The following SHROOM2 variants were observed in gnomAD, a reference collection of about 807,000 sequenced individuals.
The protein encoded by SHROOM2 is shroom family member 2.
SHROOM2 carries 33 observed loss-of-function variants against 75.9 expected under a neutral mutation model. The observed-to-expected ratio is 0.43, with a 90% CI of 0.33 to 0.58. The LOEUF (loss-of-function observed/expected upper bound fraction) is 0.58. SHROOM2 is among the 20% of genes least tolerant of loss of function. The pLI is 0.04. For synonymous variants in SHROOM2, 655 were observed against 663.6 expected (o/e 0.99, Z 0.20); for missense variants, 1,434 against 1,461.2 (o/e 0.98, Z 0.30).
At chrX:9,929,130 A>G (rs2084623005) in intron 5 of SHROOM2, among the ~76,000 whole-genome samples, 1 of 112,817 alleles carries the variant, frequency 8.9e-6, no homozygotes, top group Non-Finnish European at 1.9e-5. Context: ...ACCAGTTAGA[A>G]ACAAAAGTTG....
chrX:9,792,095 A>AG lies in SHROOM2; in HGVS notation c.165+5386dup, dbSNP rs1487117573. ...AGAATAGAATAGAATAGAATAGAATAGAATAGAATAGAATAGAATAGAATA... is the reference window on the plus strand; with the variant it reads ...AGAATAGAATAGAATAGAATAGAATAGGAATAGAATAGAATAGAATAGAATA... On this transcript the variant is annotated intron_variant, in intron 1 of 9. Transcript: ENST00000380913. 1.3e-4 allele frequency among the ~76,000 whole-genome samples: 2 copies of AG among 15,497 alleles called. 1 individual carries two copies. The highest frequency in any genetic ancestry group is 2.7e-3 in the Admixed American group (2 of 747). The allele number at this position is 15,497 out of a possible 115,157, so 13.5% of individuals were successfully genotyped here.
At chrX:9,884,714 A>G (rs777240087) in intron 2 of SHROOM2, among the ~76,000 whole-genome samples, 1 of 108,774 alleles carries the variant, frequency 9.2e-6, no homozygotes. Context: ...ACTACCTAGC[A>G]TATAAAATTA....
chrX:9,870,178 A>G (rs2084164049), intron 1 of SHROOM2, among the ~76,000 whole-genome samples: 1 of 112,014 alleles, frequency 8.9e-6, no homozygotes, highest in Non-Finnish European at 1.9e-5. Context: ...GTGGGCCGTG[A>G]TCACGCCATT....
chrX:9,792,038 A>C (rs773682487), intron 1 of SHROOM2, among the ~76,000 whole-genome samples: 1 of 29,659 alleles, frequency 3.4e-5, no homozygotes, highest in Admixed American at 3.7e-4. Flanking sequence ...ATAGAATAGA[A>C]TAGAATAGAA....
intron 1 of SHROOM2, among the ~76,000 whole-genome samples, chrX:9,809,457 T>C (rs914600152): frequency 2.7e-5 from 3 of 111,654 alleles, no homozygotes; most frequent in Non-Finnish European, 5.6e-5. Context: ...CAATACTTGG[T>C]ATTCTTCAAT....
At chrX:9,934,856 C>G (rs1480943265) in intron 6 of SHROOM2, among the ~76,000 whole-genome samples, 1 of 111,146 alleles carries the variant, frequency 9.0e-6, no homozygotes, top group African/African-American at 3.3e-5. Context: ...GTGGTGCGAT[C>G]TTGACTTTTG....
chrX:9,898,877 G>A (rs185291779), intron 5 of SHROOM2, among the ~76,000 whole-genome samples: 1 of 110,911 alleles, frequency 9.0e-6, no homozygotes, highest in Non-Finnish European at 1.9e-5. Context: ...AGATTAGAGC[G>A]TTTTGTGCCA....
At chrX:9,933,941 G>A (rs1383554426) in intron 6 of SHROOM2, among the ~76,000 whole-genome samples, 3 of 111,883 alleles carry the variant, frequency 2.7e-5, no homozygotes, top group Non-Finnish European at 5.6e-5. Flanking sequence ...GGGGACATTA[G>A]GCAATGTCTG....
chrX:9,891,472 G>A (rs1402578651), intron 3 of SHROOM2, among the ~76,000 whole-genome samples: 1 of 112,376 alleles, frequency 8.9e-6, no homozygotes, highest in Non-Finnish European at 1.9e-5. Flanking sequence ...GGGGTGGCAG[G>A]TATATCTTGT....
Position 9,898,202 on chromosome X carries a change from G to A in SHROOM2, c.2803G>A (p.Glu935Lys), listed in dbSNP as rs1002335210. 2.5e-5 allele frequency: 30 copies of A among 1,181,611 alleles called. No homozygotes were observed. The highest frequency in any genetic ancestry group is 3.1e-5 in the East Asian group (1 of 32,419). Residue 935 changes from glutamate to lysine, a missense_variant, in exon 5 of 10, where the codon GAA (glutamate) becomes AAA (lysine). Physicochemically the swap from Glu to Lys is moderately conservative, Grantham distance 56 (BLOSUM62 1). This residue lies in a region of SHROOM2 where 1,340 missense variants were observed against 1,338.3 expected (regional missense o/e 1.00). Coordinates refer to ENST00000380913, the MANE Select transcript of SHROOM2 (RefSeq NM_001649.4). ...TTGCCCTTTGCAGGAAGCTTCTGTC[G>A]AACTGCGAAGGCAGGCAGGGGACCC... ...TDHYKQEASV[E>K]LRRQAGDPGE...
chrX:9,836,143 A>C (rs2083943283), intron 1 of SHROOM2, among the ~76,000 whole-genome samples: 2 of 112,378 alleles, frequency 1.8e-5, no homozygotes, highest in Middle Eastern at 4.6e-3. Context: ...GCCCAGGCCC[A>C]GGCCCAAGGC....
intron 5 of SHROOM2, 31 bp downstream of exon 5, chrX:9,898,321 A>G (rs776274321): frequency 2.8e-6 from 3 of 1,067,858 alleles, no homozygotes; most frequent in Non-Finnish European, 2.5e-6. Context: ...GAGTTACTGA[A>G]GAGGCGTCTG....
chrX:9,867,004 C>T (rs1401306900), intron 1 of SHROOM2, among the ~76,000 whole-genome samples: 1 of 110,460 alleles, frequency 9.1e-6, no homozygotes, highest in East Asian at 2.8e-4. Context: ...CTCATGCTGC[C>T]ACTGCAGGGA....
intron 5 of SHROOM2, among the ~76,000 whole-genome samples, chrX:9,909,165 T>C (rs1164885333): frequency 9.1e-6 from 1 of 109,703 alleles, no homozygotes; most frequent in Non-Finnish European, 1.9e-5. Flanking sequence ...AATACACCCA[T>C]ATGTAAACCC....
chrX:9,898,957 ATCTG>A (rs2084350303), intron 5 of SHROOM2, among the ~76,000 whole-genome samples: 1 of 111,053 alleles, frequency 9.0e-6, no homozygotes, highest in Non-Finnish European at 1.9e-5. Flanking sequence ...ACATAGTATA[ATCTG>A]TGCTGGGTGT....
intron 1 of SHROOM2, among the ~76,000 whole-genome samples, chrX:9,831,323 G>A (rs1319240095): frequency 8.9e-6 from 1 of 112,036 alleles, no homozygotes; most frequent in Non-Finnish European, 1.9e-5. Context: ...AGGGGATGGG[G>A]ACCACAGTCA....
chrX:9,870,394 T>C (rs1421724497), intron 1 of SHROOM2, among the ~76,000 whole-genome samples: 1 of 112,436 alleles, frequency 8.9e-6, no homozygotes, highest in Non-Finnish European at 1.9e-5. Context: ...TTCCCCTTAG[T>C]AATTGTCTAT....
Position 9,851,177 on chromosome X carries a change from G to A in SHROOM2, c.166-22475G>A, listed in dbSNP as rs6640531. Among the ~76,000 whole-genome samples, 72 of 111,150 alleles carry A rather than the reference G, an allele frequency of 6.5e-4. No homozygotes were observed. The East Asian group carries it at 0.018, about 27-fold the overall frequency. ...GCACACTCCACCAAGCCTGGCTAACGCTTTTAATTTTTGTAGAGATCAGGT... is the reference window on the plus strand; with the variant it reads ...GCACACTCCACCAAGCCTGGCTAACACTTTTAATTTTTGTAGAGATCAGGT... On this transcript the variant is annotated intron_variant, in intron 1 of 9. Transcript: ENST00000380913.
chrX:9,930,719 A>G (rs1053360053), intron 5 of SHROOM2, among the ~76,000 whole-genome samples: 4 of 110,468 alleles, frequency 3.6e-5, no homozygotes, highest in African/African-American at 1.0e-4. Flanking sequence ...TAACCCATGC[A>G]TAGCTGTGTT....
Sources: gnomAD v4.1 joint callset for allele counts (sites outside exome capture counted in the v4.1 genomes callset) on GRCh38, gnomAD v4.1.1 for gene constraint, gnomAD v4.1.1 regional missense constraint, MANE v1.5 for transcripts, NCBI Gene and HGNC (gene_info 2026-07-23, HGNC 2026-07-21) for gene names.